The following PDE7B variants were observed in gnomAD, a reference collection of about 807,000 sequenced individuals.
PDE7B encodes the protein 3',5'-cyclic-AMP phosphodiesterase 7B.
A neutral mutation model predicts 56.2 loss-of-function variants in PDE7B; 29 were observed. The observed-to-expected ratio is 0.52, with a 90% confidence interval of 0.38 to 0.70. PDE7B has a LOEUF of 0.70. Among genes scored for constraint, PDE7B ranks in the 30% least tolerant of loss-of-function variants. PDE7B has a pLI of 0.00. For missense variants in PDE7B, 490 were observed against 565.0 expected (o/e 0.87, Z 1.35); for synonymous variants, 197 against 196.9 (o/e 1.00, Z 0.00).
chr6:136,140,231 G>A (rs186709950), intron 3 of PDE7B, among the ~76,000 whole-genome samples: 108 of 152,162 alleles, frequency 7.1e-4, no homozygotes, highest in Non-Finnish European at 1.3e-3. Flanking sequence ...ATAGGGAATC[G>A]TTTCCCCATT....
In PDE7B at chr6:136,128,748, C is replaced by T. The variant is rs1184487099; in HGVS notation, c.167-18603C>T. Among the ~76,000 whole-genome samples, 3 of 152,150 alleles carry T rather than the reference C, an allele frequency of 2.0e-5. No homozygotes were observed. The South Asian group carries it at 6.2e-4, about 32-fold the overall frequency. On this transcript the variant is annotated intron_variant, in intron 3 of 12. Coordinates refer to ENST00000308191, the MANE Select transcript of PDE7B (RefSeq NM_018945.4). ...TGATAACGCATATATGGCTGAAGAA[C>T]TGCTTTGCTGAATATAATTAGGGTG...
At chr6:136,123,199 A>G (rs1777967498) in intron 3 of PDE7B, among the ~76,000 whole-genome samples, 1 of 152,152 alleles carries the variant, frequency 6.6e-6, no homozygotes, top group Non-Finnish European at 1.5e-5. Flanking sequence ...AAAAATAAAA[A>G]TAAAACAATT....
At chr6:136,021,842 A>G (rs2128208170) in intron 2 of PDE7B, among the ~76,000 whole-genome samples, 1 of 152,296 alleles carries the variant, frequency 6.6e-6, no homozygotes, top group South Asian at 2.1e-4. Context: ...ATTAGATCAC[A>G]TCACTCTTCT....
intron 1 of PDE7B, among the ~76,000 whole-genome samples, chr6:135,885,345 T>C (rs551905766): frequency 7.3e-6 from 1 of 137,422 alleles, no homozygotes; most frequent in African/African-American, 2.7e-5. Context: ...TTTTTTTTTA[T>C]CTCACTGCCA....
chr6:136,061,727 T>C (rs1583858586), intron 2 of PDE7B, among the ~76,000 whole-genome samples: 1 of 152,160 alleles, frequency 6.6e-6, no homozygotes, highest in Non-Finnish European at 1.5e-5. Flanking sequence ...TAGTACCATG[T>C]TGGGTAGGGC....
chr6:136,185,219 A>G (rs991114588), intron 11 of PDE7B, among the ~76,000 whole-genome samples: 1 of 152,144 alleles, frequency 6.6e-6, no homozygotes, highest in Non-Finnish European at 1.5e-5. Context: ...ACCAGGCACA[A>G]GAGACCCCAG....
intron 2 of PDE7B, among the ~76,000 whole-genome samples, chr6:135,994,463 A>C (rs1297925986): frequency 6.6e-6 from 1 of 152,204 alleles, no homozygotes; most frequent in East Asian, 1.9e-4. Context: ...GAGTAAGGAA[A>C]TATTTAATTA....
intron 2 of PDE7B, among the ~76,000 whole-genome samples, chr6:136,002,087 A>G (rs1272718490): frequency 2.0e-5 from 3 of 152,218 alleles, no homozygotes; most frequent in African/African-American, 7.2e-5. Flanking sequence ...AGAATTTCAT[A>G]TCCAGTGAAA....
chr6:135,902,968 CTGAG>C (rs1776032638), intron 1 of PDE7B, among the ~76,000 whole-genome samples: 1 of 152,166 alleles, frequency 6.6e-6, no homozygotes, highest in Non-Finnish European at 1.5e-5. Context: ...AGTCACAGCA[CTGAG>C]TAAGTGGTAT....
chr6:135,875,239 A>G (rs1775469559), intron 1 of PDE7B, among the ~76,000 whole-genome samples: 1 of 151,946 alleles, frequency 6.6e-6, no homozygotes, highest in African/African-American at 2.4e-5. Context: ...ATTCACATCT[A>G]ACTTTGTTTT....
chr6:136,112,734 A>G (rs1236035200), intron 3 of PDE7B: 1 of 152,174 alleles, frequency 6.6e-6, no homozygotes, highest in Non-Finnish European at 1.5e-5. Context: ...TTATTGATGC[A>G]GATTTTAAAT....
At chr6:136,139,230 T>C (rs987040091) in intron 3 of PDE7B, among the ~76,000 whole-genome samples, 12 of 152,216 alleles carry the variant, frequency 7.9e-5, no homozygotes, top group Non-Finnish European at 1.8e-4. Context: ...TTTGGTCTTT[T>C]GTCCTTGCAA....
At chr6:135,979,223 A>G (rs1200277349) in intron 2 of PDE7B, among the ~76,000 whole-genome samples, 1 of 151,746 alleles carries the variant, frequency 6.6e-6, no homozygotes, top group Non-Finnish European at 1.5e-5. Context: ...CCCAGGGATG[A>G]AGCCCACTTG....
At chr6:136,048,183 C>G (rs1187308377) in intron 2 of PDE7B, among the ~76,000 whole-genome samples, 1 of 152,014 alleles carries the variant, frequency 6.6e-6, no homozygotes, top group Non-Finnish European at 1.5e-5. Flanking sequence ...ACACATAAGA[C>G]AGTGATTAAT....
At chr6:136,173,965 C>A in intron 9 of PDE7B, 77 bp downstream of exon 9, 1 of 1,018,096 alleles carries the variant, frequency 9.8e-7, no homozygotes, top group Non-Finnish European at 1.5e-6. Flanking sequence ...AGGCTTGGGA[C>A]CTTTTGCGTG....
At chr6:136,097,065 C>T (rs1394185434) in intron 2 of PDE7B, among the ~76,000 whole-genome samples, 2 of 151,624 alleles carry the variant, frequency 1.3e-5, no homozygotes, top group Non-Finnish European at 3.0e-5. Flanking sequence ...CCTTTACAGA[C>T]TCCTCCTCCT....
At chr6:136,081,282 G>A (rs966061248) in intron 2 of PDE7B, among the ~76,000 whole-genome samples, 2 of 152,170 alleles carry the variant, frequency 1.3e-5, no homozygotes, top group South Asian at 2.1e-4. Context: ...GTGCCTCGGG[G>A]AGAAACTAGG....
At chr6:135,930,079 T>A (rs920384258) in intron 1 of PDE7B, among the ~76,000 whole-genome samples, 2 of 152,006 alleles carry the variant, frequency 1.3e-5, no homozygotes, top group African/African-American at 4.8e-5. Context: ...CTGGGCAAAT[T>A]ACAAAAGAAA....
In PDE7B at chr6:136,172,839, A is replaced by G. The variant is rs183940119; in HGVS notation, c.712-958A>G. On this transcript the variant is annotated intron_variant, in intron 8 of 12. Coordinates refer to ENST00000308191, the MANE Select transcript of PDE7B (RefSeq NM_018945.4). ...AGGTGTAAGGAAGGGAAAAATCACA[A>G]GCATTCTTATACACCAATAACAGAC... Among the ~76,000 whole-genome samples, 269 of 152,304 alleles carry G rather than the reference A, an allele frequency of 1.8e-3. 4 individuals carry two copies. Among genetic ancestry groups the G allele is most frequent in the African/African-American group, 6.1e-3 (253 of 41,566 alleles).
Sources: gnomAD v4.1 joint callset for allele counts (sites outside exome capture counted in the v4.1 genomes callset) on GRCh38, gnomAD v4.1.1 for gene constraint, MANE v1.5 for transcripts, NCBI Gene and HGNC (gene_info 2026-07-23, HGNC 2026-07-21) for gene names.